The following MAB21L3 variants were observed in gnomAD, a reference collection of about 807,000 sequenced individuals.
MAB21L3 encodes the protein mab-21 like 3.
In MAB21L3, 36 loss-of-function variants were observed where a neutral mutation model predicts 37.7. The observed-to-expected ratio is 0.96, with a 90% confidence interval of 0.73 to 1.26. The LOEUF (loss-of-function observed/expected upper bound fraction) is 1.26. MAB21L3 is among the 50% of genes most tolerant of loss of function. The pLI, the probability that MAB21L3 is intolerant of heterozygous loss-of-function variation, is 0.00. For synonymous variants in MAB21L3, 186 were observed against 176.8 expected (o/e 1.05, Z -0.41); for missense variants, 430 against 447.3 (o/e 0.96, Z 0.35).
intron 7 of MAB21L3, among the ~76,000 whole-genome samples, chr1:116,132,077 T>A (rs1660079800): frequency 6.6e-6 from 1 of 152,254 alleles, no homozygotes; most frequent in African/African-American, 2.4e-5. Context: ...AGTTTGGGCA[T>A]GTTGGGACTG....
intron 3 of MAB21L3, among the ~76,000 whole-genome samples, chr1:116,119,892 G>T (rs1659693395): frequency 1.3e-5 from 2 of 152,174 alleles, no homozygotes; most frequent in Admixed American, 6.5e-5. Context: ...ATAACTCACT[G>T]TGGTAACTTT....
intron 2 of MAB21L3, 118 bp from the exon 3 acceptor site, chr1:116,112,289 A>G (rs1435432746): frequency 4.3e-6 from 1 of 233,270 alleles, no homozygotes; most frequent in Non-Finnish European, 8.6e-6. Context: ...AATTTGGAAA[A>G]TTGCTCTCTG....
chr1:116,119,073 C>G (rs1284453365), intron 3 of MAB21L3, among the ~76,000 whole-genome samples: 1 of 152,214 alleles, frequency 6.6e-6, no homozygotes, highest in Non-Finnish European at 1.5e-5. Context: ...AATCACAACA[C>G]AGATGGGAAG....
In MAB21L3 at chr1:116,118,304, C is replaced by T. The variant is rs530092797; in HGVS notation, c.49-2628C>T. ...GGCTGAGGCAGGACAATCACTTGAA[C>T]CGAGGAGGCAGAGTTTGCAGTGAGC... On this transcript the variant is annotated intron_variant, in intron 3 of 7. Coordinates refer to ENST00000369500, the MANE Select transcript of MAB21L3 (RefSeq NM_152367.3). Among the ~76,000 whole-genome samples the T allele has an allele frequency of 8.5e-5, 13 of 152,116 alleles. 1 individual carries two copies. The South Asian group carries it at 2.7e-3, about 32-fold the overall frequency.
intron 3 of MAB21L3, among the ~76,000 whole-genome samples, chr1:116,119,953 G>A (rs563122833): frequency 9.9e-5 from 15 of 152,222 alleles, no homozygotes; most frequent in Admixed American, 2.0e-4. Context: ...AAAAGGCAGG[G>A]GTGAGTACGG....
At chr1:116,133,024 C>A in intron 7 of MAB21L3, 108 bp from the exon 8 acceptor site, 1 of 900,796 alleles carries the variant, frequency 1.1e-6, no homozygotes, top group Non-Finnish European at 1.8e-6. Context: ...TCTGCCCAGG[C>A]AACTCTTTTC....
chr1:116,123,176 T>C (rs941709225), intron 4 of MAB21L3, among the ~76,000 whole-genome samples: 1 of 152,186 alleles, frequency 6.6e-6, no homozygotes, highest in Non-Finnish European at 1.5e-5. Context: ...CTTTGGCTGC[T>C]CTGTTTACCC....
At chr1:116,126,013 T>C (rs1557932325) in intron 5 of MAB21L3, among the ~76,000 whole-genome samples, 2 of 152,242 alleles carry the variant, frequency 1.3e-5, no homozygotes, top group Admixed American at 1.3e-4. Flanking sequence ...AATGCTAAAG[T>C]GCCAGTTGTC....
intron 6 of MAB21L3, 86 bp downstream of exon 6, chr1:116,127,730 C>T (rs549751023): frequency 1.3e-5 from 18 of 1,388,508 alleles, no homozygotes; most frequent in East Asian, 5.0e-5. Flanking sequence ...AATGAGTTTC[C>T]GAAGGAAAGT....
chr1:116,112,515 C>T lies in MAB21L3; in HGVS notation c.-101C>T. 9.6e-7 allele frequency: 1 copy of T among 1,044,974 alleles called. No homozygotes were observed. The allele number at this position is 1,044,974 out of a possible 1,614,324, so 64.7% of individuals were successfully genotyped here. ...CAGAAAAACTTAGTACCCAGAGACTCACATTACTGGGAGTGCTATCTACTC... is the reference window on the plus strand; with the variant it reads ...CAGAAAAACTTAGTACCCAGAGACTTACATTACTGGGAGTGCTATCTACTC... On this transcript the variant is annotated 5_prime_UTR_variant, in exon 3 of 8. Coordinates refer to ENST00000369500, the MANE Select transcript of MAB21L3 (RefSeq NM_152367.3).
At position 116,118,082 on chromosome 1, in the gene MAB21L3, C is replaced by T. The variant is rs559624036; in HGVS notation, c.49-2850C>T. On this transcript the variant is annotated intron_variant, in intron 3 of 7. Coordinates refer to ENST00000369500, the MANE Select transcript of MAB21L3 (RefSeq NM_152367.3). ...TCGCATCCCTGTTGTTTTGGTTTTCCCCATGGTAAAAGTTCTTGGGGCCAG... is the reference window on the plus strand; with the variant it reads ...TCGCATCCCTGTTGTTTTGGTTTTCTCCATGGTAAAAGTTCTTGGGGCCAG... Among the ~76,000 whole-genome samples, 15 of 152,148 alleles carry T rather than the reference C, an allele frequency of 9.9e-5. No homozygotes were observed. The East Asian group carries it at 2.7e-3, about 27-fold the overall frequency.
chr1:116,124,124 G>A lies in MAB21L3; in HGVS notation c.248G>A (p.Arg83Lys). 1 of 1,614,022 alleles carries A rather than the reference G, an allele frequency of 6.2e-7. No homozygotes were observed. The highest frequency in any genetic ancestry group is 1.7e-5 in the Admixed American group (1 of 60,024). ...CCAATAAAAGGCCTGGCCGGGTACA[G>A]GGAGGCCAGGGAGCAGCACTGGCGG... ...TVPIKGLAGY[R>K]EAREQHWRYY... is the part of the protein sequence containing the mutation. Residue 83 changes from arginine to lysine, a missense_variant, in exon 5 of 8, where the codon AGG becomes AAG. Transcript: ENST00000369500.
At position 116,134,240 on chromosome 1, in the gene MAB21L3, C is replaced by CT. The variant is rs2101620752; in HGVS notation, c.*876dup. ...ATCTGCATGGAGTGACCTTAGGTGT[C>CT]TGTCACTGCTCAGTGTGTTCCTTTG... On this transcript the variant is annotated 3_prime_UTR_variant, in exon 8 of 8. Coordinates refer to ENST00000369500, the MANE Select transcript of MAB21L3 (RefSeq NM_152367.3). 1 of 152,368 alleles carries CT rather than the reference C, an allele frequency of 6.6e-6. No individual in the cohort carries two copies. Among genetic ancestry groups the CT allele is most frequent in the South Asian group, 2.1e-4 (1 of 4,832 alleles). The allele number at this position is 152,368 out of a possible 1,614,324, so 9.4% of individuals were successfully genotyped here.
intron 3 of MAB21L3, among the ~76,000 whole-genome samples, chr1:116,118,372 A>C (rs1257390671): frequency 1.4e-5 from 2 of 139,586 alleles, no homozygotes; most frequent in Non-Finnish European, 3.0e-5. Context: ...CAGAGCGAGA[A>C]TCCATCAAAA....
intron 3 of MAB21L3, 85 bp downstream of exon 3, chr1:116,112,748 G>T (rs1409327086): frequency 1.4e-6 from 2 of 1,405,206 alleles, no homozygotes; most frequent in East Asian, 2.3e-5. Flanking sequence ...AGGATCTCAG[G>T]CTCTTTCTAA....
chr1:116,120,029 G>A (rs1659697453), intron 3 of MAB21L3, among the ~76,000 whole-genome samples: 1 of 152,126 alleles, frequency 6.6e-6, no homozygotes, highest in South Asian at 2.1e-4. Flanking sequence ...GCTGATACAA[G>A]TTAAGTGGTT....
chr1:116,127,435 TCTC>T (rs781687604), intron 5 of MAB21L3, 28 bp from the exon 6 acceptor site: 4 of 1,600,970 alleles, frequency 2.5e-6, no homozygotes, highest in Non-Finnish European at 3.4e-6. Flanking sequence ...ACCTTTCTCT[TCTC>T]CTTATCCATT....
intron 3 of MAB21L3, 82 bp from the exon 4 acceptor site, chr1:116,120,850 C>G: frequency 6.5e-7 from 1 of 1,548,448 alleles, no homozygotes; most frequent in Non-Finnish European, 8.7e-7. Context: ...CTTGCTGTAC[C>G]CTTGTCTCCT....
chr1:116,120,267 C>T (rs916212826), intron 3 of MAB21L3, among the ~76,000 whole-genome samples: 2 of 152,134 alleles, frequency 1.3e-5, no homozygotes, highest in Admixed American at 6.5e-5. Context: ...TTCAGCCTCA[C>T]TCAAATGTCA....
Sources: allele counts gnomAD v4.1 joint callset (sites outside exome capture counted in the v4.1 genomes callset), GRCh38; gene constraint gnomAD v4.1.1; transcripts MANE v1.5; gene names NCBI Gene and HGNC (gene_info 2026-07-23, HGNC 2026-07-21).